MICAL2: variants seen among roughly 807,000 people sequenced by gnomAD.
The protein encoded by MICAL2 is [F-actin]-monooxygenase MICAL2.
MICAL2 carries 77 observed loss-of-function variants against 127.3 expected under a neutral mutation model. The observed-to-expected ratio is 0.60, with a 90% CI of 0.50 to 0.73. The LOEUF is 0.73. MICAL2 is among the 30% of genes least tolerant of loss of function. The pLI is 0.00. For missense variants in MICAL2, 1,351 were observed against 1,434.4 expected, an observed-to-expected ratio of 0.94 and a Z score of 0.94; for synonymous variants, 570 against 551.1, an observed-to-expected ratio of 1.03 and a Z score of -0.48.
intron 1 of MICAL2, among the ~76,000 whole-genome samples, chr11:12,129,913 T>C (rs574337138): frequency 6.6e-6 from 1 of 152,268 alleles, no homozygotes; most frequent in Admixed American, 6.5e-5. Context: ...GGTCTCCCTG[T>C]GTTGCCCAGG....
intron 32 of MICAL2, among the ~76,000 whole-genome samples, chr11:12,339,354 AT>A (rs894217270): frequency 1.8e-4 from 28 of 151,510 alleles, no homozygotes; most frequent in African/African-American, 6.8e-4. Context: ...CATTCATCTA[AT>A]TTTTTTTCAA....
chr11:12,123,469 C>A (rs1392609603), intron 1 of MICAL2, among the ~76,000 whole-genome samples: 1 of 152,146 alleles, frequency 6.6e-6, no homozygotes, highest in East Asian at 1.9e-4. Flanking sequence ...CAGAAGGCAT[C>A]AATGAAAGTT....
rs780467865 is a variant in MICAL2 at position 12,242,783 on chromosome 11, G to A, written c.2658+11G>A. 1.2e-5 allele frequency: 19 copies of A among 1,587,278 alleles called. No individual in the cohort carries two copies. Among genetic ancestry groups the A allele is most frequent in the Non-Finnish European group, 1.5e-5 (18 of 1,166,668 alleles). Reference sequence around the variant, plus strand: ...GGGGATTTCCCGCAGGTAAACATGGGGCTTTCAGAGCCCCCAGGAACCTGA... The same window carrying A: ...GGGGATTTCCCGCAGGTAAACATGGAGCTTTCAGAGCCCCCAGGAACCTGA... On this transcript the variant is annotated intron_variant, in intron 20 of 27. Coordinates refer to ENST00000683283, the MANE Select transcript of MICAL2 (RefSeq NM_001282663.2).
chr11:12,259,606 T>A (rs1199883134), intron 25 of MICAL2, 189 bp from the exon 26 acceptor site: 2 of 493,658 alleles, frequency 4.1e-6, no homozygotes, highest in African/African-American at 2.0e-5. Flanking sequence ...TCGTGACTCC[T>A]ATGGTCAGTT....
In MICAL2 at chr11:12,162,100, T is replaced by C; in HGVS notation, c.-56T>C. ...ACAGGTGTGACGTTTCTCCAGATAC[T>C]TCATGCTGTTCACCTGTGTCCTCGC... On this transcript the variant is annotated 5_prime_UTR_variant, in exon 3 of 28. Coordinates refer to ENST00000683283, the MANE Select transcript of MICAL2 (RefSeq NM_001282663.2). 6.2e-7 allele frequency: 1 copy of C among 1,607,568 alleles called. No individual in the cohort carries two copies. The highest frequency in any genetic ancestry group is 8.5e-7 in the Non-Finnish European group (1 of 1,176,472).
At chr11:12,296,371 A>G (rs1487319848), downstream of MICAL2, among the ~76,000 whole-genome samples, 1 of 151,778 alleles carries the variant, frequency 6.6e-6, no homozygotes, top group African/African-American at 2.4e-5. Flanking sequence ...TAGATTAACA[A>G]GAGACTTTAT....
chr11:12,307,907 G>A (rs1864131334), intron 29 of MICAL2, among the ~76,000 whole-genome samples: 1 of 152,102 alleles, frequency 6.6e-6, no homozygotes, highest in South Asian at 2.1e-4. Context: ...CTTTGAAACA[G>A]AGCCTCACTC....
At chr11:12,345,074 T>TGG (rs2134889240) in intron 32 of MICAL2, among the ~76,000 whole-genome samples, 1 of 148,942 alleles carries the variant, frequency 6.7e-6, no homozygotes, top group Admixed American at 6.6e-5. Flanking sequence ...ATTGCGCCAC[T>TGG]GCACTCCAGC....
intron 3 of MICAL2, among the ~76,000 whole-genome samples, chr11:12,187,151 C>T (rs576354172): frequency 6.6e-6 from 1 of 152,294 alleles, no homozygotes; most frequent in South Asian, 2.1e-4. Context: ...CTCCTCTGTC[C>T]TCTTCCTGCC....
chr11:12,257,117 G>C, intron 24 of MICAL2, 146 bp downstream of exon 24: 1 of 859,930 alleles, frequency 1.2e-6, no homozygotes, highest in Non-Finnish European at 1.7e-6. Flanking sequence ...TGCTCAGGGA[G>C]ACTGGGAGCT....
intron 26 of MICAL2, chr11:12,261,488 T>C: frequency 1.0e-6 from 1 of 985,508 alleles, no homozygotes; most frequent in Middle Eastern, 5.2e-4. Flanking sequence ...CATACACAGC[T>C]GCAGGGTCTG....
chr11:12,304,273 G>C (rs1279152489), intron 29 of MICAL2, among the ~76,000 whole-genome samples: 1 of 152,084 alleles, frequency 6.6e-6, no homozygotes, highest in African/African-American at 2.4e-5. Flanking sequence ...TATTCTGTGA[G>C]GTAAGGTGAA....
intron 4 of MICAL2, among the ~76,000 whole-genome samples, chr11:12,206,227 C>T (rs756883897): frequency 4.6e-5 from 7 of 152,178 alleles, no homozygotes; most frequent in Non-Finnish European, 7.3e-5. Context: ...GAACTGGGTA[C>T]CAGGATGCCT....
intron 3 of MICAL2, among the ~76,000 whole-genome samples, chr11:12,199,163 A>G (rs7118041): frequency 0.77 from 117,540 of 152,210 alleles, 48,669 homozygotes; most frequent in Non-Finnish European, 0.92. Flanking sequence ...AGTTAATAAG[A>G]GTGCCTGGAG....
intron 3 of MICAL2, among the ~76,000 whole-genome samples, chr11:12,193,786 T>G (rs2134042382): frequency 6.6e-6 from 1 of 152,352 alleles, no homozygotes; most frequent in South Asian, 2.1e-4. Context: ...TGAGGTGACC[T>G]TGAGCATGCT....
intron 3 of MICAL2, among the ~76,000 whole-genome samples, chr11:12,199,758 A>G (rs1860438702): frequency 6.6e-6 from 1 of 152,108 alleles, no homozygotes; most frequent in African/African-American, 2.4e-5. Context: ...GACCCTTGAT[A>G]AAGAGCTGAT....
chr11:12,216,395 C>T lies in MICAL2; in HGVS notation c.948+76C>T, dbSNP rs76005476. 117 of 1,148,264 alleles carry T rather than the reference C, an allele frequency of 1.0e-4. 1 individual carries two copies. The African/African-American group carries it at 1.1e-3, about 11-fold the overall frequency. 71.1% of individuals were successfully genotyped at this position (1,148,264 alleles called of 1,614,324 possible). On this transcript the variant is annotated intron_variant, in intron 8 of 27. Coordinates refer to ENST00000683283, the MANE Select transcript of MICAL2 (RefSeq NM_001282663.2). ...CATCAGCAGGTGTGAAGGCAGATGT[C>T]GTCCTGCCAGAAACTGAGCGAGGGG...
intron 2 of MICAL2, among the ~76,000 whole-genome samples, chr11:12,153,016 T>C (rs902833695): frequency 2.6e-5 from 4 of 151,990 alleles, no homozygotes; most frequent in Non-Finnish European, 5.9e-5. Flanking sequence ...ATACAATTTA[T>C]CATTTTAACC....
downstream of MICAL2, among the ~76,000 whole-genome samples, chr11:12,266,968 A>T (rs574185398): frequency 6.6e-6 from 1 of 152,238 alleles, no homozygotes; most frequent in African/African-American, 2.4e-5. Flanking sequence ...CTTGTCGGGC[A>T]TTCTCGATTA....
Sources: allele counts gnomAD v4.1 joint callset (sites outside exome capture counted in the v4.1 genomes callset), GRCh38; gene constraint gnomAD v4.1.1; transcripts MANE v1.5; gene names NCBI Gene and HGNC (gene_info 2026-07-23, HGNC 2026-07-21).